NGLY1: variants seen among roughly 807,000 people sequenced by gnomAD.
NGLY1 encodes N-glycanase 1, also known as peptide-N(4)-(N-acetyl-beta-glucosaminyl)asparagine amidase.
A neutral mutation model predicts 84.6 loss-of-function variants in NGLY1; 68 were observed. The observed-to-expected ratio is 0.80, with a 90% CI of 0.66 to 0.98. The LOEUF (loss-of-function observed/expected upper bound fraction) is 0.98, where lower values mean the gene tolerates loss of function less well. NGLY1 is among the 50% of genes least tolerant of loss of function. The pLI is 0.00. For missense variants in NGLY1, 779 were observed against 770.2 expected, an observed-to-expected ratio of 1.01 and a Z score of -0.14; for synonymous variants, 280 against 275.2, an observed-to-expected ratio of 1.02 and a Z score of -0.17.
chr3:25,734,378 A>G (rs1048624723), intron 7 of NGLY1: 1 of 153,546 alleles, frequency 6.5e-6, no homozygotes, highest in Admixed American at 6.5e-5. Flanking sequence ...CTTAAATGCA[A>G]TTTTTAGAAT....
Position 25,739,763 on chromosome 3 carries a change from TC to T in NGLY1, c.694del (p.Glu232SerfsTer14). The T allele has an allele frequency of 6.2e-7, 1 of 1,613,998 alleles. No individual in the cohort carries two copies. The highest frequency in any genetic ancestry group is 8.5e-7 in the Non-Finnish European group (1 of 1,179,968). Reference sequence around the variant, plus strand: ...TTCTTCCTTAAACCAGTGCAAAAGCTCCAGCAAAAGAAAATCCTCATCACTT... The same window carrying T: ...TTCTTCCTTAAACCAGTGCAAAAGCTCAGCAAAAGAAAATCCTCATCACTT... ...NISDEDFLLL[E>X]LLHWFKEEFF... On this transcript the variant is annotated frameshift_variant, in exon 5 of 12. Transcript: ENST00000280700. LOFTEE classifies it high-confidence loss of function.
rs748043134 is a variant in NGLY1, at chr3:25,764,155, G to C, written c.403C>G (p.Pro135Ala). The change falls in exon 3 of 12, where the codon CCT becomes GCT. Residue 135 changes from proline to alanine, a missense_variant. Physicochemically the swap from Pro to Ala is conservative, Grantham distance 27. Transcript: ENST00000280700. ...CTGGGATTTGAAGATGGTGTTGTAG[G>C]AAGCTGGGTACTGGCTGCAGGTTGC... is the stretch of plus-strand genomic sequence containing the variant. ...SQQPAASTQL[P>A]TTPSSNPSGL... 17 of 1,614,200 alleles carry C rather than the reference G, an allele frequency of 1.1e-5. No homozygotes were observed. Among genetic ancestry groups the C allele is most frequent in the Non-Finnish European group, 1.4e-5 (17 of 1,180,024 alleles).
intron 2 of NGLY1, among the ~76,000 whole-genome samples, chr3:25,769,060 T>C (rs937579136): frequency 2.0e-5 from 3 of 151,818 alleles, no homozygotes; most frequent in African/African-American, 7.3e-5. Flanking sequence ...CAAATCTCAT[T>C]TAAAAATGAG....
At position 25,783,227 on chromosome 3, in the gene NGLY1, C is replaced by T. The variant is rs752944384; in HGVS notation, c.131+33G>A. On this transcript the variant is annotated intron_variant, in intron 1 of 11. Coordinates refer to ENST00000280700, the MANE Select transcript of NGLY1 (RefSeq NM_018297.4). The surrounding 1 kb of genome is among the most constrained non-coding windows in gnomAD (Gnocchi z 4.5). ...ACAAGGTGCCGCGGCCCACCCACCC[C>T]GGTACCCGCCGTCCGACCCCGTTGC... 9 of 1,589,376 alleles carry T rather than the reference C, an allele frequency of 5.7e-6. No individual in the cohort carries two copies. Among genetic ancestry groups the T allele is most frequent in the Non-Finnish European group, 7.7e-6 (9 of 1,162,266 alleles).
chr3:25,737,514 C>A, intron 5 of NGLY1, 59 bp from the exon 6 acceptor site: 3 of 1,377,404 alleles, frequency 2.2e-6, no homozygotes, highest in Non-Finnish European at 2.0e-6. Context: ...AGAGAATTTA[C>A]ATTACCTCTA....
intron 1 of NGLY1, chr3:25,789,803 A>G (rs1174282482): frequency 1.3e-6 from 2 of 1,529,898 alleles, no homozygotes; most frequent in Non-Finnish European, 1.8e-6. Flanking sequence ...ACAAAAGGGA[A>G]TATTTGGGCA....
intron 3 of NGLY1, 110 bp from the exon 4 acceptor site, chr3:25,751,373 G>T (rs1022984555): frequency 8.1e-6 from 7 of 864,130 alleles, no homozygotes; most frequent in Non-Finnish European, 1.1e-5. Flanking sequence ...GGAATGTATG[G>T]ATTCACTTAA....
chr3:25,740,672 TAAAAAACTACAGAAA>T (rs1434855109), intron 4 of NGLY1, among the ~76,000 whole-genome samples: 4 of 150,526 alleles, frequency 2.7e-5, no homozygotes, highest in Middle Eastern at 3.4e-3. Context: ...TATTTCAAAA[TAAAAAACTACAGAAA>T]AAAAAACTAC....
intron 3 of NGLY1, among the ~76,000 whole-genome samples, chr3:25,753,681 T>TTTA (rs758690872): frequency 4.6e-4 from 70 of 152,132 alleles, no homozygotes; most frequent in Non-Finnish European, 9.3e-4. Context: ...AAAGATTATA[T>TTTA]TTAACTTCCT....
chr3:25,778,741 T>C (rs916862218), intron 1 of NGLY1, 53 bp from the exon 2 acceptor site: 5 of 1,064,228 alleles, frequency 4.7e-6, no homozygotes, highest in African/African-American at 3.2e-5. Context: ...GTCATAGTTC[T>C]TCAAAGACTT....
intron 2 of NGLY1, 34 bp downstream of exon 2, chr3:25,778,540 G>T: frequency 8.1e-7 from 1 of 1,233,908 alleles, no homozygotes; most frequent in Non-Finnish European, 1.2e-6. Flanking sequence ...CTTTGTGCAT[G>T]AAGAGGGGAG....
At chr3:25,755,787 A>G (rs1707008074) in intron 3 of NGLY1, 3 of 672,610 alleles carry the variant, frequency 4.5e-6, no homozygotes, top group South Asian at 4.2e-5. Flanking sequence ...AAAGACTTTC[A>G]TATTAGTTAA....
In NGLY1 at chr3:25,789,750, C is replaced by A; in HGVS notation, c.5+111G>T. The A allele has an allele frequency of 3.9e-6, 5 of 1,289,394 alleles. No homozygotes were observed. In the South Asian group the frequency reaches 6.4e-5, roughly 16 times the overall value. 79.9% of individuals were successfully genotyped at this position (1,289,394 alleles called of 1,614,324 possible). On this transcript the variant is annotated intron_variant, in intron 1 of 11. Coordinates refer to the NGLY1 transcript ENST00000417874. ...GAAACTGCAGAGAATTTCCTTAATT[C>A]TTTCTTACAATTCCAGTAGAATACG...
rs1437209301 is a variant in NGLY1 at position 25,764,308 on chromosome 3, C to A, written c.250G>T (p.Glu84Ter). The change falls in exon 3 of 12, where the codon GAA (glutamate) becomes TAA (stop). Residue 84 changes from glutamate to a stop codon, truncating the protein, a stop_gained. Transcript: ENST00000280700. LOFTEE classifies it high-confidence loss of function. The stretch of plus-strand genomic sequence containing the variant: ...TTTTTAGGAAAGATGAGATGTGTTT[C>A]TCCCTGGAATTTATAAAATTAAAAA... ...CLFEMGFEEG[E>*]THLIFPKKAS... 6.2e-7 allele frequency: 1 copy of A among 1,609,118 alleles called. No homozygotes were observed. The highest frequency in any genetic ancestry group is 8.5e-7 in the Non-Finnish European group (1 of 1,178,070).
chr3:25,774,428 T>C (rs1008998566), intron 2 of NGLY1, among the ~76,000 whole-genome samples: 1 of 152,218 alleles, frequency 6.6e-6, no homozygotes, highest in Admixed American at 6.5e-5. Context: ...GGGTTAGGCA[T>C]GTCTGAGAGC....
intron 5 of NGLY1, among the ~76,000 whole-genome samples, chr3:25,738,220 A>T (rs1705940347): frequency 6.6e-6 from 1 of 152,088 alleles, no homozygotes; most frequent in Non-Finnish European, 1.5e-5. Flanking sequence ...ACTCAACAAA[A>T]ATTTTAGCTT....
chr3:25,762,283 G>A (rs1707355304), intron 3 of NGLY1, among the ~76,000 whole-genome samples: 2 of 152,118 alleles, frequency 1.3e-5, no homozygotes, highest in Non-Finnish European at 2.9e-5. Flanking sequence ...CTCAAAATGG[G>A]CAAGGTAGAA....
rs934278322 is a variant in NGLY1, at chr3:25,783,361, T to C, written c.30A>G (p.Ser10=). MAAAALGSS[S]GSASPAVAEL... Reference sequence around the variant, plus strand: ...CAGCCACGGCCGGGGACGCCGAGCCTGAGGAGCTGCCCAATGCCGCCGCCG... The same window carrying C: ...CAGCCACGGCCGGGGACGCCGAGCCCGAGGAGCTGCCCAATGCCGCCGCCG... Residue 10 remains serine (S), a synonymous_variant, in exon 1 of 12, where the codon TCA becomes TCG. Coordinates refer to ENST00000280700, the MANE Select transcript of NGLY1 (RefSeq NM_018297.4). This position sits in a 1 kb window ranked among gnomAD's most constrained non-coding sequence, Gnocchi z 4.5. The C allele has an allele frequency of 6.4e-7, 1 of 1,561,182 alleles. No individual in the cohort carries two copies. Among genetic ancestry groups the C allele is most frequent in the Non-Finnish European group, 8.7e-7 (1 of 1,155,056 alleles).
chr3:25,744,826 A>C (rs911998127), intron 4 of NGLY1, among the ~76,000 whole-genome samples: 1 of 152,130 alleles, frequency 6.6e-6, no homozygotes, highest in South Asian at 2.1e-4. Flanking sequence ...TAATGGCTGG[A>C]GCTGCAGCAG....
Sources: allele counts gnomAD v4.1 joint callset (sites outside exome capture counted in the v4.1 genomes callset), GRCh38; gene constraint gnomAD v4.1.1; non-coding constraint Gnocchi (gnomAD v3.1); transcripts MANE v1.5; gene names NCBI Gene and HGNC (gene_info 2026-07-23, HGNC 2026-07-21).